DOCK8: variants seen among roughly 807,000 people sequenced by gnomAD.
DOCK8 encodes dedicator of cytokinesis protein 8.
Under a neutral mutation model 245.6 loss-of-function variants are expected in DOCK8, and 141 were observed. The ratio of observed to expected loss-of-function variants is 0.57; its 90% CI spans 0.50 to 0.66. The LOEUF (loss-of-function observed/expected upper bound fraction) is 0.66, where lower values mean the gene tolerates loss of function less well. Among genes scored for constraint, DOCK8 ranks in the 30% least tolerant of loss-of-function variants. DOCK8 has a pLI of 0.00. For missense variants in DOCK8, 2,965 were observed against 2,603.4 expected, an observed-to-expected ratio of 1.14 and a Z score of -3.02; for synonymous variants, 1,168 against 970.2, an observed-to-expected ratio of 1.20 and a Z score of -3.79.
intron 6 of DOCK8, 54 bp downstream of exon 6, chr9:312,220 T>G: frequency 6.3e-7 from 1 of 1,579,174 alleles, no homozygotes; most frequent in African/African-American, 1.3e-5. Context: ...CTGAGAGTCA[T>G]GTGGACAATT....
chr9:382,830 T>A (rs2053779886), intron 22 of DOCK8, 145 bp downstream of exon 22: 1 of 1,112,546 alleles, frequency 9.0e-7, no homozygotes. Flanking sequence ...GTGATTAACG[T>A]TCTTTAGAAC....
intron 1 of DOCK8, among the ~76,000 whole-genome samples, chr9:259,549 A>C (rs1188475821): frequency 1.3e-5 from 2 of 152,198 alleles, no homozygotes; most frequent in Non-Finnish European, 2.9e-5. Flanking sequence ...GCATTTGTTA[A>C]ATAGGGATGA....
At chr9:410,994 T>A (rs192448675) in intron 28 of DOCK8, among the ~76,000 whole-genome samples, 2 of 152,302 alleles carry the variant, frequency 1.3e-5, no homozygotes, top group Admixed American at 1.3e-4. Context: ...GATAAATTCC[T>A]TAAAAGGTAC....
chr9:243,257 A>G (rs1345102264), intron 1 of DOCK8, among the ~76,000 whole-genome samples: 1 of 152,186 alleles, frequency 6.6e-6, no homozygotes, highest in Non-Finnish European at 1.5e-5. Context: ...CTTTACGTGT[A>G]TAACAAATAC....
chr9:340,024 A>G lies in DOCK8; in HGVS notation c.1517-135A>G, dbSNP rs2051500815. On this transcript the variant is annotated intron_variant, in intron 13 of 47. Transcript: ENST00000432829. ...ACACACTTTTCTCAAGCTGTAGGAAATTAGCTCCAAAACTTTTTTACAGTA... is the reference window on the plus strand; with the variant it reads ...ACACACTTTTCTCAAGCTGTAGGAAGTTAGCTCCAAAACTTTTTTACAGTA... 9.9e-6 allele frequency: 9 copies of G among 912,572 alleles called. No individual in the cohort carries two copies. The East Asian group carries it at 2.4e-4, about 24-fold the overall frequency. The allele number at this position is 912,572 out of a possible 1,614,324, so 56.5% of individuals were successfully genotyped here. A position where few individuals can be genotyped will look rare whatever the true frequency, so the allele number is the denominator to read the frequency against.
At chr9:403,939 TA>T in intron 26 of DOCK8, among the ~76,000 whole-genome samples, 1 of 85,632 alleles carries the variant, frequency 1.2e-5, no homozygotes, top group Admixed American at 1.2e-4. Context: ...TGTGTATATA[TA>T]TATGTGTATA....
chr9:316,748 C>T (rs2050365230), intron 6 of DOCK8, among the ~76,000 whole-genome samples: 1 of 152,128 alleles, frequency 6.6e-6, no homozygotes, highest in Admixed American at 6.5e-5. Flanking sequence ...TTTTGCAATG[C>T]CATCTGGTGG....
chr9:353,186 T>G (rs1410937733), intron 14 of DOCK8, among the ~76,000 whole-genome samples: 2 of 152,184 alleles, frequency 1.3e-5, no homozygotes, highest in African/African-American at 4.8e-5. Context: ...GCAACCACCT[T>G]GAGATCTTTG....
At chr9:376,846 T>A in intron 19 of DOCK8, 131 bp from the exon 20 acceptor site, 1 of 816,996 alleles carries the variant, frequency 1.2e-6, no homozygotes, top group Non-Finnish European at 2.0e-6. Context: ...AAACATCATG[T>A]CTTAGACCTT....
At chr9:299,792 C>T (rs1444482855) in intron 4 of DOCK8, among the ~76,000 whole-genome samples, 1 of 151,812 alleles carries the variant, frequency 6.6e-6, no homozygotes, top group African/African-American at 2.4e-5. Context: ...GAGGCCGAGG[C>T]AGGCAGATCA....
At chr9:268,145 T>G (rs1382200305) in intron 1 of DOCK8, 2 of 152,238 alleles carry the variant, frequency 1.3e-5, no homozygotes, top group African/African-American at 4.8e-5. Flanking sequence ...ATTTTGAAGT[T>G]CTTCAAATGA....
chr9:376,233 C>T lies in DOCK8; in HGVS notation c.2133C>T (p.Pro711=), dbSNP rs377377061. 1 of 1,612,582 alleles carries T rather than the reference C, an allele frequency of 6.2e-7. No homozygotes were observed. The highest frequency in any genetic ancestry group is 8.5e-7 in the Non-Finnish European group (1 of 1,178,772). The part of the protein sequence containing the change: ...SAEKVPLQNP[P]IKWAEGHKGV... Reference sequence around the variant, plus strand: ...AGAAAGTCCCATTACAGAATCCTCCCATTAAGTGGGCTGAAGGACATAAGG... The same window carrying T: ...AGAAAGTCCCATTACAGAATCCTCCTATTAAGTGGGCTGAAGGACATAAGG... The change falls in exon 19 of 48, where the codon CCC becomes CCT. Residue 711 remains proline (P), a synonymous_variant. Coordinates refer to ENST00000432829, the MANE Select transcript of DOCK8 (RefSeq NM_203447.4).
intron 46 of DOCK8, among the ~76,000 whole-genome samples, chr9:455,780 A>G (rs766222598): frequency 1.1e-4 from 16 of 151,960 alleles, no homozygotes; most frequent in Non-Finnish European, 2.2e-4. Flanking sequence ...ATAAATAAAT[A>G]AATAAATAAT....
At chr9:384,771 C>T (rs2053877909) in intron 22 of DOCK8, among the ~76,000 whole-genome samples, 1 of 152,128 alleles carries the variant, frequency 6.6e-6, no homozygotes, top group African/African-American at 2.4e-5. Flanking sequence ...AAAAAATTAG[C>T]CGGGCGTGGT....
intron 29 of DOCK8, among the ~76,000 whole-genome samples, chr9:415,185 A>G (rs1346545303): frequency 1.3e-5 from 2 of 152,178 alleles, no homozygotes; most frequent in Admixed American, 6.5e-5. Flanking sequence ...TTCTTCATTC[A>G]TTCATTTATT....
chr9:362,554 TA>T (rs1318312366), intron 14 of DOCK8, among the ~76,000 whole-genome samples: 2 of 152,208 alleles, frequency 1.3e-5, no homozygotes, highest in Non-Finnish European at 2.9e-5. Context: ...AGCCAGCTGA[TA>T]GGGGCCTTCA....
At chr9:237,475 T>G (rs1429585505) in intron 1 of DOCK8, among the ~76,000 whole-genome samples, 1 of 152,212 alleles carries the variant, frequency 6.6e-6, no homozygotes, top group Non-Finnish European at 1.5e-5. Context: ...GGCAAAGTGG[T>G]GAAACCTAGT....
In DOCK8 at chr9:382,617, A is replaced by G. The variant is rs1156460723; in HGVS notation, c.2710A>G (p.Ser904Gly). 6.8e-6 allele frequency: 11 copies of G among 1,614,218 alleles called. No individual in the cohort carries two copies. The highest frequency in any genetic ancestry group is 7.6e-6 in the Non-Finnish European group (9 of 1,180,042). Residue 904 changes from serine to glycine, a missense_variant, in exon 22 of 48, where the codon AGT becomes GGT. Physicochemically the swap from Ser to Gly is moderately conservative, Grantham distance 56. Coordinates refer to ENST00000432829, the MANE Select transcript of DOCK8 (RefSeq NM_203447.4). ...GCTGCAGGCCCGGGTGATGAGCAGC[A>G]GTAACCCAGACCTCGCGGGGACACA... ...KLLQARVMSS[S>G]NPDLAGTHSA... is the part of the protein sequence containing the mutation.
chr9:456,963 C>T (rs1295165749), intron 46 of DOCK8: 1 of 144,810 alleles, frequency 6.9e-6, no homozygotes, highest in Non-Finnish European at 1.5e-5. Flanking sequence ...CAGATACACC[C>T]TGAAAGGGTT....
Sources: allele counts gnomAD v4.1 joint callset (sites outside exome capture counted in the v4.1 genomes callset), GRCh38; gene constraint gnomAD v4.1.1; transcripts MANE v1.5; gene names NCBI Gene and HGNC (gene_info 2026-07-23, HGNC 2026-07-21).